ELF2: variants seen among roughly 807,000 people sequenced by gnomAD.
ELF2 encodes the protein ETS-related transcription factor Elf-2.
In ELF2, 11 loss-of-function variants were observed where a neutral mutation model predicts 54.8. That is an observed-to-expected ratio of 0.20 (90% CI 0.13 to 0.33). ELF2 has a LOEUF of 0.33. ELF2 is among the 10% of genes least tolerant of loss of function. ELF2 has a pLI of 1.00. For synonymous variants in ELF2, 203 were observed against 245.1 expected (o/e 0.83, Z 1.61); for missense variants, 513 against 703.0 (o/e 0.73, Z 3.06).
At chr4:139,104,826 T>C (rs1333645854) in intron 4 of ELF2, among the ~76,000 whole-genome samples, 1 of 152,228 alleles carries the variant, frequency 6.6e-6, no homozygotes, top group African/African-American at 2.4e-5. Context: ...GACATTTAAA[T>C]GGGACCTACC....
At chr4:139,170,966 G>C (rs1045752175) in intron 1 of ELF2, among the ~76,000 whole-genome samples, 6 of 151,772 alleles carry the variant, frequency 4.0e-5, no homozygotes, top group Admixed American at 2.0e-4. Context: ...GGCTGGTCTC[G>C]AACTCCTGAC....
At chr4:139,104,307 C>T (rs1185173893) in intron 4 of ELF2, among the ~76,000 whole-genome samples, 9 of 151,976 alleles carry the variant, frequency 5.9e-5, no homozygotes, top group Admixed American at 3.3e-4. Flanking sequence ...GTCAGGAGTT[C>T]GAGACCACCC....
intron 1 of ELF2, among the ~76,000 whole-genome samples, chr4:139,139,865 A>G (rs998466107): frequency 5.3e-5 from 8 of 152,028 alleles, no homozygotes; most frequent in East Asian, 1.9e-4. Context: ...CCTGCTCCCC[A>G]GGAGTATAAA....
intron 4 of ELF2, among the ~76,000 whole-genome samples, chr4:139,117,475 C>T (rs1451467368): frequency 6.6e-6 from 1 of 152,120 alleles, no homozygotes; most frequent in African/African-American, 2.4e-5. Flanking sequence ...AGGCAGATCG[C>T]ATGAGGCCAG....
intron 4 of ELF2, chr4:139,084,173 A>C: frequency 6.2e-7 from 1 of 1,613,546 alleles, no homozygotes; most frequent in Non-Finnish European, 8.5e-7. Flanking sequence ...TGGGTCCCTC[A>C]TGCAGAGACG....
At chr4:139,136,154 C>T (rs554886005) in intron 3 of ELF2, among the ~76,000 whole-genome samples, 6 of 152,168 alleles carry the variant, frequency 3.9e-5, no homozygotes, top group Admixed American at 2.6e-4. Context: ...CTAATGTCTT[C>T]GGTGAGTCAT....
chr4:139,146,262 T>C (rs1292480906), intron 1 of ELF2, among the ~76,000 whole-genome samples: 1 of 152,132 alleles, frequency 6.6e-6, no homozygotes, highest in Non-Finnish European at 1.5e-5. Flanking sequence ...AAGAACTCAA[T>C]CCATTTTATA....
At chr4:139,152,495 C>T (rs1340125867) in intron 1 of ELF2, among the ~76,000 whole-genome samples, 2 of 152,026 alleles carry the variant, frequency 1.3e-5, no homozygotes, top group African/African-American at 4.8e-5. Flanking sequence ...CCATGCCCAG[C>T]TAATTTTTTT....
intron 4 of ELF2, among the ~76,000 whole-genome samples, chr4:139,097,388 G>A (rs1021264193): frequency 6.6e-6 from 1 of 152,106 alleles, no homozygotes; most frequent in Non-Finnish European, 1.5e-5. Context: ...GGCCAAGGCG[G>A]GCAGATCACT....
At chr4:139,081,518 G>A (rs1731111838) in intron 4 of ELF2, among the ~76,000 whole-genome samples, 1 of 152,038 alleles carries the variant, frequency 6.6e-6, no homozygotes, top group Admixed American at 6.5e-5. Flanking sequence ...AGCAATCACT[G>A]GAACTATTTT....
At position 139,088,364 on chromosome 4, in the gene ELF2, G is replaced by A. The variant is rs541134035; in HGVS notation, c.239-14797C>T. On this transcript the variant is annotated intron_variant, in intron 4 of 9. Coordinates refer to ENST00000686138, the MANE Select transcript of ELF2 (RefSeq NM_001331036.3). ...GTCAAATCTCATTTAATTCCAAAAG[G>A]AATATTTAGATTAACCAATTTCTTC... 2.7e-5 allele frequency among the ~76,000 whole-genome samples: 4 copies of A among 150,660 alleles called. No homozygotes were observed. The South Asian group carries it at 6.3e-4, about 24-fold the overall frequency.
intron 4 of ELF2, among the ~76,000 whole-genome samples, chr4:139,106,748 T>C (rs1734453725): frequency 6.7e-6 from 1 of 148,606 alleles, no homozygotes; most frequent in Non-Finnish European, 1.5e-5. Flanking sequence ...TTCTTTTTTT[T>C]TTTTTTTTTT....
chr4:139,068,939 C>T (rs573228287), intron 6 of ELF2, among the ~76,000 whole-genome samples: 3 of 151,774 alleles, frequency 2.0e-5, no homozygotes, highest in East Asian at 1.9e-4. Flanking sequence ...AGCGCAGTGA[C>T]GCGAACACAG....
chr4:139,121,348 T>C lies in ELF2; in HGVS notation c.238+3816A>G, dbSNP rs956257782. The stretch of plus-strand genomic sequence containing the variant: ...TGGTCTCGATCTCCTGACCTCGTGA[T>C]TCACCCGCCTTGGCCTCCGAAAGTG... On this transcript the variant is annotated intron_variant, in intron 4 of 9. Coordinates refer to ENST00000686138, the MANE Select transcript of ELF2 (RefSeq NM_001331036.3). Among the ~76,000 whole-genome samples the C allele has an allele frequency of 2.0e-5, 3 of 151,868 alleles. No homozygotes were observed. In the East Asian group the frequency reaches 5.8e-4, roughly 29 times the overall value.
intron 9 of ELF2, among the ~76,000 whole-genome samples, chr4:139,059,831 G>A (rs1474060194): frequency 6.6e-6 from 1 of 151,730 alleles, no homozygotes; most frequent in African/African-American, 2.4e-5. Context: ...AACCAATTCA[G>A]GTTATTTAAG....
At chr4:139,072,605 T>C (rs1367804523) in intron 5 of ELF2, among the ~76,000 whole-genome samples, 1 of 152,260 alleles carries the variant, frequency 6.6e-6, no homozygotes, top group African/African-American at 2.4e-5. Context: ...ACAGTCCTGA[T>C]GTTTTAGTCA....
At position 139,176,802 on chromosome 4, in the gene ELF2, G is replaced by A. The variant is rs549398103; in HGVS notation, c.-252+165C>T. Among the ~76,000 whole-genome samples, 484 of 152,126 alleles carry A rather than the reference G, an allele frequency of 3.2e-3. 2 individuals are homozygous for A. The highest frequency in any genetic ancestry group is 0.011 in the African/African-American group (465 of 41,542). ...GCCCCCTTCCCCCAGCCCCCGGCCG[G>A]TGTCACCGCCGCAGCCGCCGGAAAA... On this transcript the variant is annotated intron_variant, in intron 1 of 9. Coordinates refer to ENST00000686138, the MANE Select transcript of ELF2 (RefSeq NM_001331036.3).
chr4:139,136,373 C>A (rs1738153253), intron 3 of ELF2, among the ~76,000 whole-genome samples: 1 of 151,752 alleles, frequency 6.6e-6, no homozygotes, highest in African/African-American at 2.4e-5. Flanking sequence ...AGTGAATTTG[C>A]CCATAGCTGA....
chr4:139,135,666 A>G (rs979352087), intron 3 of ELF2, among the ~76,000 whole-genome samples: 4 of 152,208 alleles, frequency 2.6e-5, no homozygotes, highest in Non-Finnish European at 5.9e-5. Flanking sequence ...ATGAATGAAA[A>G]TAAGTGGCCA....
Sources: allele counts gnomAD v4.1 joint callset (sites outside exome capture counted in the v4.1 genomes callset), GRCh38; gene constraint gnomAD v4.1.1; transcripts MANE v1.5; gene names NCBI Gene and HGNC (gene_info 2026-07-23, HGNC 2026-07-21).